TNIK: variants seen among roughly 807,000 people sequenced by gnomAD.
TNIK encodes TRAF2 and NCK-interacting protein kinase.
In TNIK, 49 loss-of-function variants were observed where a neutral mutation model predicts 191.3. The ratio of observed to expected loss-of-function variants is 0.26; its 90% CI spans 0.20 to 0.32. The LOEUF is 0.32. TNIK is among the 10% of genes least tolerant of loss of function. TNIK has a pLI of 1.00. For missense variants in TNIK, 1,155 were observed against 1,702.3 expected (o/e 0.68, Z 5.66); for synonymous variants, 594 against 600.9 (o/e 0.99, Z 0.17).
intron 1 of TNIK, among the ~76,000 whole-genome samples, chr3:171,413,114 T>C (rs1722618913): frequency 1.3e-5 from 2 of 152,232 alleles, no homozygotes; most frequent in African/African-American, 2.4e-5. Flanking sequence ...ATGTGCATTT[T>C]CCTTTTATTT....
At chr3:171,410,957 C>A (rs893519056) in intron 1 of TNIK, among the ~76,000 whole-genome samples, 1 of 152,102 alleles carries the variant, frequency 6.6e-6, no homozygotes, top group Non-Finnish European at 1.5e-5. Flanking sequence ...CCACTACACT[C>A]AGATTGCCTT....
At chr3:171,120,921 G>C (rs370341259) in intron 18 of TNIK, among the ~76,000 whole-genome samples, 5 of 152,258 alleles carry the variant, frequency 3.3e-5, no homozygotes, top group East Asian at 3.9e-4. Context: ...CGACCCCTGC[G>C]CCCTGGAGTC....
chr3:171,072,754 TTACATCAATAATGCTCAAGCTGAG>T (rs906872776), intron 28 of TNIK, among the ~76,000 whole-genome samples: 2 of 151,870 alleles, frequency 1.3e-5, no homozygotes, highest in Admixed American at 1.3e-4. Context: ...CAAAAATCAG[TTACATCAATAATGCTCAAGCTGAG>T]AATCAAATCA....
intron 12 of TNIK, 104 bp downstream of exon 12, chr3:171,157,356 A>T: frequency 7.2e-7 from 1 of 1,393,344 alleles, no homozygotes; most frequent in Non-Finnish European, 9.7e-7. Flanking sequence ...TTGTGCCTCT[A>T]AGCTCTGTGT....
At position 171,335,853 on chromosome 3, in the gene TNIK, A is replaced by G. The variant is rs529650712; in HGVS notation, c.123+33767T>C. ...ATAAGAAACTATGAAAGTGCTTTCT[A>G]AAGTGGCACTTTAGAATGTATCATT... On this transcript the variant is annotated intron_variant, in intron 2 of 32. Transcript: ENST00000436636. Among the ~76,000 whole-genome samples, 43 of 152,328 alleles carry G rather than the reference A, an allele frequency of 2.8e-4. No individual in the cohort carries two copies. In the South Asian group the frequency reaches 8.7e-3, roughly 31 times the overall value.
chr3:171,358,392 G>A (rs1045371488), intron 2 of TNIK, among the ~76,000 whole-genome samples: 11 of 152,124 alleles, frequency 7.2e-5, no homozygotes, highest in East Asian at 3.9e-4. Flanking sequence ...AGACAAGAAT[G>A]CTTGTGTAGG....
intron 2 of TNIK, among the ~76,000 whole-genome samples, chr3:171,306,493 A>G (rs1753468318): frequency 6.6e-6 from 1 of 152,192 alleles, no homozygotes; most frequent in African/African-American, 2.4e-5. Flanking sequence ...TAAAGTAGGA[A>G]GGCAGGTTAT....
chr3:171,237,722 G>A (rs1219452294), intron 2 of TNIK, among the ~76,000 whole-genome samples: 1 of 152,082 alleles, frequency 6.6e-6, no homozygotes, highest in African/African-American at 2.4e-5. Context: ...AGGAACTCGA[G>A]ACCAGCCTGA....
intron 1 of TNIK, 94 bp downstream of exon 1, chr3:171,459,913 T>TGCCCCCG: frequency 1.5e-6 from 2 of 1,311,250 alleles, no homozygotes; most frequent in Non-Finnish European, 2.1e-6. Flanking sequence ...CCCGCTGCTG[T>TGCCCCCG]CCCCCTGCCC....
chr3:171,138,138 T>C, intron 15 of TNIK, 53 bp downstream of exon 15: 62 of 1,468,236 alleles, frequency 4.2e-5, no homozygotes, highest in Non-Finnish European at 5.5e-5. Flanking sequence ...TCACACAAAC[T>C]CATTAGAGTC....
rs1477833161 is a variant in TNIK at position 171,085,240 on chromosome 3, A to G, written c.2887-11T>C. 8 of 1,597,856 alleles carry G rather than the reference A, an allele frequency of 5.0e-6. No individual in the cohort carries two copies. The highest frequency in any genetic ancestry group is 6.8e-6 in the Non-Finnish European group (8 of 1,171,950). ...GCTCCCCATGCCATACTAATCAATA[A>G]GCAAGAAGATTAAGAAGAGCAGATA... is the stretch of plus-strand genomic sequence containing the variant. On this transcript the variant is annotated splice_polypyrimidine_tract_variant and intron_variant, in intron 24 of 32. Coordinates refer to ENST00000436636, the MANE Select transcript of TNIK (RefSeq NM_015028.4).
chr3:171,133,090 G>GC (rs1729532257), intron 15 of TNIK, among the ~76,000 whole-genome samples: 2 of 152,202 alleles, frequency 1.3e-5, no homozygotes, highest in African/African-American at 4.8e-5. Context: ...GTTTGAGGAT[G>GC]CCCCTGCTCC....
At chr3:171,409,693 G>T (rs985112652) in intron 1 of TNIK, among the ~76,000 whole-genome samples, 1 of 150,204 alleles carries the variant, frequency 6.7e-6, no homozygotes, top group South Asian at 2.2e-4. Flanking sequence ...CCTCATTCCC[G>T]TCCTCCCCAG....
chr3:171,270,826 G>C (rs771598223), intron 2 of TNIK, among the ~76,000 whole-genome samples: 1 of 152,150 alleles, frequency 6.6e-6, no homozygotes, highest in South Asian at 2.1e-4. Context: ...GATAATAAAG[G>C]TTCCTGCTTC....
chr3:171,228,524 G>A (rs1035752013), intron 2 of TNIK, among the ~76,000 whole-genome samples: 3 of 152,168 alleles, frequency 2.0e-5, no homozygotes, highest in African/African-American at 4.8e-5. Flanking sequence ...GATTTATGTC[G>A]AAGGGGAGCT....
At chr3:171,264,072 A>G (rs1313800351) in intron 2 of TNIK, among the ~76,000 whole-genome samples, 10 of 54,078 alleles carry the variant, frequency 1.8e-4, no homozygotes, top group African/African-American at 7.0e-4. Flanking sequence ...ATACATACAC[A>G]CACACACACA....
chr3:171,281,912 G>A (rs1195148896), intron 2 of TNIK, among the ~76,000 whole-genome samples: 1 of 152,180 alleles, frequency 6.6e-6, no homozygotes, highest in Non-Finnish European at 1.5e-5. Context: ...TATGAGCATT[G>A]AAGCAGAGAA....
At chr3:171,232,794 C>T (rs1743819005) in intron 2 of TNIK, among the ~76,000 whole-genome samples, 1 of 152,186 alleles carries the variant, frequency 6.6e-6, no homozygotes, top group East Asian at 1.9e-4. Flanking sequence ...TATGCTGATC[C>T]TTGTTCTATG....
chr3:171,264,089 CACACACACACACACACACACACAT>C (rs1164312589), intron 2 of TNIK, among the ~76,000 whole-genome samples: 6 of 98,852 alleles, frequency 6.1e-5, no homozygotes, highest in East Asian at 2.1e-4. Flanking sequence ...CACACACACA[CACACACACACACACACACACACAT>C]ATATATATAT....
Sources: allele counts gnomAD v4.1 joint callset (sites outside exome capture counted in the v4.1 genomes callset), GRCh38; gene constraint gnomAD v4.1.1; transcripts MANE v1.5; gene names NCBI Gene and HGNC (gene_info 2026-07-23, HGNC 2026-07-21).